Variants in KLHL1 observed in about 807,000 individuals in gnomAD.
KLHL1 encodes kelch-like protein 1.
A neutral mutation model predicts 77.7 loss-of-function variants in KLHL1; 47 were observed. The observed-to-expected ratio is 0.60, with a 90% confidence interval of 0.48 to 0.77. The LOEUF is 0.77. KLHL1 is among the 30% of genes least tolerant of loss of function. The pLI is 0.00. For missense variants in KLHL1, 925 were observed against 910.8 expected, an observed-to-expected ratio of 1.02 and a Z score of -0.20; for synonymous variants, 360 against 325.2, an observed-to-expected ratio of 1.11 and a Z score of -1.15.
At chr13:69,736,096 A>C (rs375844545) in intron 8 of KLHL1, among the ~76,000 whole-genome samples, 1 of 152,218 alleles carries the variant, frequency 6.6e-6, no homozygotes, top group Non-Finnish European at 1.5e-5. Context: ...CAGAATAAAC[A>C]GACAACGCAC....
At chr13:69,798,712 C>T (rs1877240682) in intron 6 of KLHL1, among the ~76,000 whole-genome samples, 2 of 152,066 alleles carry the variant, frequency 1.3e-5, no homozygotes, top group South Asian at 4.1e-4. Context: ...ACTTCAAAGT[C>T]ATCTGGATTC....
At chr13:69,993,395 A>G (rs1328354859) in intron 1 of KLHL1, among the ~76,000 whole-genome samples, 1 of 152,066 alleles carries the variant, frequency 6.6e-6, no homozygotes, top group African/African-American at 2.4e-5. Context: ...CCTGCATTCC[A>G]TGGGATTGGA....
At chr13:69,714,001 T>G (rs758781388) in intron 9 of KLHL1, among the ~76,000 whole-genome samples, 1 of 152,150 alleles carries the variant, frequency 6.6e-6, no homozygotes, top group South Asian at 2.1e-4. Flanking sequence ...GCTGATGATG[T>G]GCTTAATGTC....
chr13:69,938,367 A>G (rs1883248857), intron 4 of KLHL1, among the ~76,000 whole-genome samples: 1 of 152,118 alleles, frequency 6.6e-6, no homozygotes, highest in Non-Finnish European at 1.5e-5. Context: ...CAGAATGTTG[A>G]GTACCTTAGA....
At chr13:70,031,813 A>G (rs1886109263) in intron 1 of KLHL1, among the ~76,000 whole-genome samples, 1 of 152,210 alleles carries the variant, frequency 6.6e-6, no homozygotes, top group Admixed American at 6.5e-5. Context: ...AATGCAAAAT[A>G]TAAAACAAAT....
chr13:69,741,125 G>A (rs1873971259), intron 7 of KLHL1, among the ~76,000 whole-genome samples: 1 of 152,126 alleles, frequency 6.6e-6, no homozygotes, highest in East Asian at 1.9e-4. Flanking sequence ...TAGAAAATAT[G>A]ACATCTTTCA....
intron 7 of KLHL1, among the ~76,000 whole-genome samples, chr13:69,761,019 C>T (rs1874996172): frequency 6.6e-6 from 1 of 152,118 alleles, no homozygotes; most frequent in Non-Finnish European, 1.5e-5. Context: ...CAGTTGACAA[C>T]TCACTTGGTC....
intron 7 of KLHL1, among the ~76,000 whole-genome samples, chr13:69,741,973 C>A (rs1182090962): frequency 2.6e-5 from 4 of 152,104 alleles, no homozygotes; most frequent in Non-Finnish European, 5.9e-5. Context: ...GGCCAATTAG[C>A]AAACACAGAT....
At chr13:69,788,508 T>C (rs1210656325) in intron 7 of KLHL1, among the ~76,000 whole-genome samples, 3 of 151,906 alleles carry the variant, frequency 2.0e-5, no homozygotes, top group African/African-American at 7.3e-5. Flanking sequence ...TCGGGGACTG[T>C]TGTGGGGTCA....
chr13:69,998,448 G>T (rs1187255287), intron 1 of KLHL1, among the ~76,000 whole-genome samples: 1 of 151,960 alleles, frequency 6.6e-6, no homozygotes, highest in Non-Finnish European at 1.5e-5. Flanking sequence ...GGAATCAACT[G>T]TGACCCCATT....
intron 7 of KLHL1, among the ~76,000 whole-genome samples, chr13:69,790,705 T>A (rs372730779): frequency 6.6e-6 from 1 of 152,186 alleles, no homozygotes; most frequent in Non-Finnish European, 1.5e-5. Flanking sequence ...ATCACATGCA[T>A]ATTTCAATAG....
At chr13:69,991,997 G>C (rs552706601) in intron 1 of KLHL1, among the ~76,000 whole-genome samples, 3 of 151,924 alleles carry the variant, frequency 2.0e-5, no homozygotes, top group African/African-American at 7.2e-5. Flanking sequence ...CTGTGAACTT[G>C]CTAGGAATGC....
intron 4 of KLHL1, among the ~76,000 whole-genome samples, chr13:69,922,204 G>A (rs185171396): frequency 6.6e-6 from 1 of 152,100 alleles, no homozygotes; most frequent in East Asian, 1.9e-4. Flanking sequence ...GCCTTGGCCT[G>A]CCAATGTGCT....
intron 4 of KLHL1, among the ~76,000 whole-genome samples, chr13:69,915,506 T>G (rs1882397244): frequency 6.6e-6 from 1 of 152,200 alleles, no homozygotes; most frequent in Admixed American, 6.5e-5. Flanking sequence ...GATTCCCTAT[T>G]TAATAAATGG....
In KLHL1 at chr13:69,707,816, G is replaced by T; in HGVS notation, c.2016-20C>A. Reference sequence around the variant, plus strand: ...TCATATCTAAAATTCAATGACAATAGTACATAACATATTCTAATCACATTC... The same window carrying T: ...TCATATCTAAAATTCAATGACAATATTACATAACATATTCTAATCACATTC... On this transcript the variant is annotated intron_variant, in intron 9 of 10. Transcript: ENST00000377844. 6.3e-7 allele frequency: 1 copy of T among 1,595,770 alleles called. No homozygotes were observed. The highest frequency in any genetic ancestry group is 8.6e-7 in the Non-Finnish European group (1 of 1,168,424).
intron 4 of KLHL1, chr13:69,895,151 A>G (rs1881584190): frequency 1.3e-5 from 6 of 468,102 alleles, no homozygotes; most frequent in South Asian, 8.3e-5. Context: ...TTCTTCCTCC[A>G]TGAGAAGGTA....
At position 70,107,529 on chromosome 13, in the gene KLHL1, G is replaced by A. The variant is rs773746540; in HGVS notation, c.171C>T (p.Leu57=). The change falls in exon 1 of 11, where the codon CTC becomes CTT. Residue 57 remains leucine (L), a synonymous_variant. Transcript: ENST00000377844. Reference sequence around the variant, plus strand: ...TCACACCGCTTCTCTCTTGGCTTTTGAGCAGGCGACTCTGGCTGGGTCCCC... The same window carrying A: ...TCACACCGCTTCTCTCTTGGCTTTTAAGCAGGCGACTCTGGCTGGGTCCCC... ...EHWGPSQSRL[L]KSQERSGVST... is the part of the protein sequence containing the mutation. 2 of 1,611,480 alleles carry A rather than the reference G, an allele frequency of 1.2e-6. No individual in the cohort carries two copies. The highest frequency in any genetic ancestry group is 1.7e-5 in the Admixed American group (1 of 59,910).
At chr13:69,893,154 T>C (rs1387895850) in intron 4 of KLHL1, among the ~76,000 whole-genome samples, 2 of 150,746 alleles carry the variant, frequency 1.3e-5, no homozygotes, top group African/African-American at 2.4e-5. Context: ...AACCCTAAAA[T>C]GGAAACTAAT....
chr13:69,977,908 T>C (rs569759391), intron 1 of KLHL1, among the ~76,000 whole-genome samples: 142 of 152,298 alleles, frequency 9.3e-4, no homozygotes, highest in African/African-American at 3.2e-3. Context: ...GCTTACCAAA[T>C]TCTATATCCA....
Sources: gnomAD v4.1 joint callset for allele counts (sites outside exome capture counted in the v4.1 genomes callset) on GRCh38, gnomAD v4.1.1 for gene constraint, MANE v1.5 for transcripts, NCBI Gene and HGNC (gene_info 2026-07-23, HGNC 2026-07-21) for gene names.